ADGRF1: variants seen among roughly 807,000 people sequenced by gnomAD.
ADGRF1 encodes adhesion G protein-coupled receptor F1.
ADGRF1 carries 85 observed loss-of-function variants against 87.2 expected under a neutral mutation model. The observed-to-expected ratio is 0.97, with a 90% CI of 0.82 to 1.17. The LOEUF (loss-of-function observed/expected upper bound fraction) is 1.17, where lower values mean the gene tolerates loss of function less well. ADGRF1 is among the 50% of genes most tolerant of loss of function. The pLI is 0.00. For synonymous variants in ADGRF1, 430 were observed against 408.8 expected (o/e 1.05, Z -0.63); for missense variants, 1,169 against 1,077.2 (o/e 1.09, Z -1.19).
chr6:47,020,407 A>C, intron 7 of ADGRF1: 1 of 882,958 alleles, frequency 1.1e-6, no homozygotes, highest in Non-Finnish European at 1.7e-6. Context: ...GAGGCAGGGG[A>C]ATCTCTTGAA....
Position 47,011,887 on chromosome 6 carries a change from C to T in ADGRF1, c.1116+120G>A, listed in dbSNP as rs1044481050. On this transcript the variant is annotated intron_variant, in intron 10 of 14. Coordinates refer to ENST00000371253, the MANE Select transcript of ADGRF1 (RefSeq NM_153840.4). The stretch of plus-strand genomic sequence containing the variant: ...ACCTCAGAGGAAGCAGTAAAGTTCA[C>T]ATAAAGACGCATACATGGCTTTCTG... The T allele has an allele frequency of 9.9e-5, 85 of 860,468 alleles. 1 individual carries two copies. Among genetic ancestry groups the T allele is most frequent in the Non-Finnish European group, 1.4e-4 (80 of 564,968 alleles). The allele number at this position is 860,468 out of a possible 1,614,324, so 53.3% of individuals were successfully genotyped here.
intron 1 of ADGRF1, among the ~76,000 whole-genome samples, chr6:47,029,884 G>A (rs576481045): frequency 1.3e-5 from 2 of 152,212 alleles, no homozygotes; most frequent in African/African-American, 2.4e-5. Flanking sequence ...AACACAGAAC[G>A]GTTACATCAT....
At position 47,022,047 on chromosome 6, in the gene ADGRF1, T is replaced by C. The variant is rs777764664; in HGVS notation, c.463A>G (p.Thr155Ala). 6.4e-7 allele frequency: 1 copy of C among 1,563,624 alleles called. No homozygotes were observed. Among genetic ancestry groups the C allele is most frequent in the Non-Finnish European group, 8.7e-7 (1 of 1,153,546 alleles). Reference sequence around the variant, plus strand: ...GTAAACCTTTCATTAATTTTGAAAGTGCCCCAAATCTCTGTAGGAAATAAA... The same window carrying C: ...GTAAACCTTTCATTAATTTTGAAAGCGCCCCAAATCTCTGTAGGAAATAAA... ...NFCERTKIWG[T>A]FKINERFTND... Residue 155 changes from threonine (T) to alanine (A), a missense_variant, in exon 6 of 15, where the codon ACT becomes GCT. Coordinates refer to ENST00000371253, the MANE Select transcript of ADGRF1 (RefSeq NM_153840.4).
intron 13 of ADGRF1, among the ~76,000 whole-genome samples, chr6:47,004,284 ACT>A (rs1779451892): frequency 6.6e-6 from 1 of 151,872 alleles, no homozygotes; most frequent in Non-Finnish European, 1.5e-5. Flanking sequence ...TTTCATTCAA[ACT>A]CTCTAAGAAA....
Position 47,009,590 on chromosome 6 carries a change from T to C in ADGRF1, c.1845A>G (p.Lys615=), listed in dbSNP as rs1255551201. ...IIEALFWKQI[K]KSQTSHTRRI... The stretch of plus-strand genomic sequence containing the variant: ...GACGTGTGTGAGAGGTTTGGCTTTT[T>C]TTAATCTGCTTCCAAAACAAAGCCT... The change falls in exon 11 of 15, where the codon AAA becomes AAG. Residue 615 remains lysine, a synonymous_variant. Coordinates refer to ENST00000371253, the MANE Select transcript of ADGRF1 (RefSeq NM_153840.4). 6.2e-7 allele frequency: 1 copy of C among 1,614,180 alleles called. No individual in the cohort carries two copies. The highest frequency in any genetic ancestry group is 1.1e-5 in the South Asian group (1 of 91,086).
At chr6:47,037,132 A>T (rs750366105) in intron 1 of ADGRF1, among the ~76,000 whole-genome samples, 10 of 152,220 alleles carry the variant, frequency 6.6e-5, no homozygotes, top group African/African-American at 2.4e-4. Context: ...TGCCTGTTTC[A>T]TCACTCTATC....
At chr6:47,007,010 G>A (rs1163915144) in intron 12 of ADGRF1, among the ~76,000 whole-genome samples, 1 of 152,172 alleles carries the variant, frequency 6.6e-6, no homozygotes, top group African/African-American at 2.4e-5. Context: ...AAGGTAAAAA[G>A]AATTCCCCTT....
chr6:47,006,614 A>T (rs1483182140), intron 12 of ADGRF1, among the ~76,000 whole-genome samples: 1 of 152,032 alleles, frequency 6.6e-6, no homozygotes, highest in Non-Finnish European at 1.5e-5. Context: ...TGAGATTCTG[A>T]TGCACCCATC....
At chr6:47,004,673 A>G (rs1191054348) in intron 13 of ADGRF1, among the ~76,000 whole-genome samples, 1 of 152,212 alleles carries the variant, frequency 6.6e-6, no homozygotes, top group African/African-American at 2.4e-5. Context: ...TCTTAAGTGT[A>G]GGTAATGACT....
chr6:47,013,474 G>A, intron 9 of ADGRF1: 1 of 985,486 alleles, frequency 1.0e-6, no homozygotes, highest in Non-Finnish European at 1.2e-6. Flanking sequence ...CAAGGTCTCT[G>A]GCTGGAATAG....
chr6:47,014,779 T>G lies in ADGRF1; in HGVS notation c.829A>C (p.Ser277Arg). The change falls in exon 9 of 15, where the codon AGT (serine) becomes CGT (arginine). Residue 277 changes from serine (S) to arginine (R), a missense_variant. Physicochemically the swap from Ser to Arg is moderately radical, Grantham distance 110 (BLOSUM62 -1). Transcript: ENST00000371253. ...GCTGTGATGTTTCCCCTGTAGCCAC[T>G]GCTGCAGGGCAGGGTATATTCATCA... is the stretch of plus-strand genomic sequence containing the variant. ...KDDEYTLPCS[S>R]GYRGNITAKC... 3.7e-6 allele frequency: 6 copies of G among 1,613,992 alleles called. No individual in the cohort carries two copies. The highest frequency in any genetic ancestry group is 5.1e-6 in the Non-Finnish European group (6 of 1,179,928).
Position 47,027,749 on chromosome 6 carries a change from T to A in ADGRF1, c.82A>T (p.Ile28Phe). The change falls in exon 3 of 15, where the codon ATC (isoleucine) becomes TTC (phenylalanine). Residue 28 changes from isoleucine (I) to phenylalanine (F), a missense_variant. Transcript: ENST00000371253. ...ACAATGAGTTCTTTTTTTGTTTTGA[T>A]GCCATCATTTTTCTGTTAAAAAGAA... ...HGGFLGKNDGIKTKKELIVNK... is the reference protein window; with the variant it reads ...HGGFLGKNDGFKTKKELIVNK... 5 of 1,584,118 alleles carry A rather than the reference T, an allele frequency of 3.2e-6. No individual in the cohort carries two copies. Among genetic ancestry groups the A allele is most frequent in the Non-Finnish European group, 4.3e-6 (5 of 1,154,500 alleles).
At chr6:47,016,443 G>T (rs1380341606) in intron 8 of ADGRF1, among the ~76,000 whole-genome samples, 174 bp downstream of exon 8, 2 of 152,200 alleles carry the variant, frequency 1.3e-5, no homozygotes, top group Non-Finnish European at 2.9e-5. Context: ...GAAATAGTCA[G>T]TTGAAGCTAA....
At chr6:47,037,089 T>C (rs540285163) in intron 1 of ADGRF1, among the ~76,000 whole-genome samples, 1 of 152,322 alleles carries the variant, frequency 6.6e-6, no homozygotes, top group Non-Finnish European at 1.5e-5. Context: ...TCCTAACCTG[T>C]ACCCATTTAT....
intron 1 of ADGRF1, among the ~76,000 whole-genome samples, chr6:47,034,995 G>C (rs1271261498): frequency 5.3e-5 from 8 of 152,200 alleles, no homozygotes; most frequent in African/African-American, 1.9e-4. Flanking sequence ...CTTTGCATCT[G>C]AGAAGAGCTT....
In ADGRF1 at chr6:47,001,562, GTT is replaced by G; in HGVS notation, c.2596_2597del (p.Asn866LeufsTer44). 1 of 1,613,502 alleles carries G rather than the reference GTT, an allele frequency of 6.2e-7. No individual in the cohort carries two copies. Among genetic ancestry groups the G allele is most frequent in the Non-Finnish European group, 8.5e-7 (1 of 1,179,614 alleles). ...LSSWKQTEKQ[N>X]SSDLSAKPKF... ...TGGGTTTGGCAGATAAATCTGATGA[GTT>G]TTGCTGCACAAAATAAAAATAAGTC... On this transcript the variant is annotated frameshift_variant, in exon 14 of 15. Coordinates refer to ENST00000371253, the MANE Select transcript of ADGRF1 (RefSeq NM_153840.4). LOFTEE classifies it high-confidence loss of function.
intron 14 of ADGRF1, among the ~76,000 whole-genome samples, chr6:47,000,684 A>C (rs1779338408): frequency 6.6e-6 from 1 of 152,208 alleles, no homozygotes; most frequent in Admixed American, 6.5e-5. Flanking sequence ...TGGCAATAAC[A>C]ACAGAACCCA....
chr6:47,024,006 G>A (rs2113897529), intron 5 of ADGRF1, 38 bp downstream of exon 5: 3 of 1,578,890 alleles, frequency 1.9e-6, no homozygotes, highest in East Asian at 2.2e-5. Context: ...ATGTTGGGGT[G>A]GGAGAAGCCC....
At chr6:47,021,162 T>A (rs1780035262) in intron 6 of ADGRF1, among the ~76,000 whole-genome samples, 1 of 152,188 alleles carries the variant, frequency 6.6e-6, no homozygotes, top group Non-Finnish European at 1.5e-5. Context: ...TTAGACCGAA[T>A]CCATCTATTA....
Sources: gnomAD v4.1 joint callset for allele counts (sites outside exome capture counted in the v4.1 genomes callset) on GRCh38, gnomAD v4.1.1 for gene constraint, MANE v1.5 for transcripts, NCBI Gene and HGNC (gene_info 2026-07-23, HGNC 2026-07-21) for gene names.